The following FSTL4 variants were observed in gnomAD, a reference collection of about 807,000 sequenced individuals.
FSTL4 encodes follistatin-related protein 4.
In FSTL4, 28 loss-of-function variants were observed where a neutral mutation model predicts 78.2. That is an observed-to-expected ratio of 0.36 (90% CI 0.27 to 0.49). The LOEUF (loss-of-function observed/expected upper bound fraction) is 0.49, where lower values mean the gene tolerates loss of function less well. Among genes scored for constraint, FSTL4 ranks in the 20% least tolerant of loss-of-function variants. FSTL4 has a pLI of 0.98. For synonymous variants in FSTL4, 422 were observed against 440.5 expected (o/e 0.96, Z 0.53); for missense variants, 922 against 1,084.9 (o/e 0.85, Z 2.11).
intron 3 of FSTL4, among the ~76,000 whole-genome samples, chr5:133,479,222 TGC>T (rs1244628020): frequency 6.6e-6 from 1 of 152,194 alleles, no homozygotes; most frequent in Non-Finnish European, 1.5e-5. Flanking sequence ...GGGGACCATG[TGC>T]GTCTTACTTG....
the FSTL4 span, among the ~76,000 whole-genome samples, chr5:133,670,463 C>T: frequency 2.0e-5 from 3 of 152,362 alleles, no homozygotes; most frequent in African/African-American, 7.2e-5. Context: ...ACACACTGGA[C>T]TGGGGCATCA....
intron 1 of FSTL4, among the ~76,000 whole-genome samples, chr5:133,608,056 C>T (rs1273632585): frequency 6.6e-6 from 1 of 152,194 alleles, no homozygotes; most frequent in Non-Finnish European, 1.5e-5. Flanking sequence ...TCCTCAAATT[C>T]AAATAGTCCT....
At chr5:133,482,003 T>C (rs541184111) in intron 3 of FSTL4, among the ~76,000 whole-genome samples, 1 of 152,080 alleles carries the variant, frequency 6.6e-6, no homozygotes, top group Non-Finnish European at 1.5e-5. Context: ...GCCACCAACA[T>C]GGAAAAGGAA....
chr5:133,358,818 TCAAA>T (rs1477528454), intron 4 of FSTL4, among the ~76,000 whole-genome samples: 3 of 152,082 alleles, frequency 2.0e-5, no homozygotes, highest in Admixed American at 6.5e-5. Context: ...CAGGCTGGTC[TCAAA>T]CAAGTGAATC....
At chr5:133,517,589 T>C (rs1047203807) in intron 3 of FSTL4, among the ~76,000 whole-genome samples, 1 of 131,922 alleles carries the variant, frequency 7.6e-6, no homozygotes, top group Non-Finnish European at 1.6e-5. Flanking sequence ...ATTAGAGTTC[T>C]ATAGAGAAAT....
In FSTL4 at chr5:133,235,486, G is replaced by A. The variant is rs572100979; in HGVS notation, c.895-1949C>T. 4.6e-4 allele frequency among the ~76,000 whole-genome samples: 61 copies of A among 133,794 alleles called. 1 individual carries two copies. The highest frequency in any genetic ancestry group is 8.1e-4 in the Non-Finnish European group (53 of 65,388). The allele number at this position is 133,794 out of a possible 152,430, so 87.8% of individuals were successfully genotyped here. On this transcript the variant is annotated intron_variant, in intron 7 of 15. Transcript: ENST00000265342. The stretch of plus-strand genomic sequence containing the variant: ...TGCACTCCAGCCTGGGTGACAGAGC[G>A]AGACCCCACCTCCAAAAAAAAAAAA...
chr5:133,495,163 G>A (rs1195318338), intron 3 of FSTL4, among the ~76,000 whole-genome samples: 1 of 152,220 alleles, frequency 6.6e-6, no homozygotes, highest in East Asian at 1.9e-4. Context: ...GGTTGGGAAT[G>A]AGGGATTGTA....
chr5:133,762,030 CTG>C, the FSTL4 span, among the ~76,000 whole-genome samples: 3 of 152,180 alleles, frequency 2.0e-5, no homozygotes, highest in South Asian at 4.1e-4. Context: ...GGCTAAGAAA[CTG>C]TGCAATTTTA....
chr5:133,675,130 C>T, the FSTL4 span, among the ~76,000 whole-genome samples: 3 of 152,028 alleles, frequency 2.0e-5, no homozygotes, highest in African/African-American at 2.4e-5. Flanking sequence ...ATGAAGGCCT[C>T]TCCGAGAAAA....
intron 4 of FSTL4, among the ~76,000 whole-genome samples, chr5:133,397,458 C>T (rs768123448): frequency 1.3e-5 from 2 of 152,198 alleles, no homozygotes; most frequent in Non-Finnish European, 2.9e-5. Context: ...GGTTGATTTC[C>T]CGTACATGCT....
chr5:133,594,296 T>C (rs1760696948), intron 2 of FSTL4, among the ~76,000 whole-genome samples: 1 of 152,198 alleles, frequency 6.6e-6, no homozygotes, highest in African/African-American at 2.4e-5. Context: ...GTTTAAGCGA[T>C]TCTCCTGCCT....
At chr5:133,325,942 A>G (rs1166716917) in intron 4 of FSTL4, among the ~76,000 whole-genome samples, 1 of 152,162 alleles carries the variant, frequency 6.6e-6, no homozygotes, top group Non-Finnish European at 1.5e-5. Context: ...TTCGATCTTC[A>G]CCACCAAAGC....
At chr5:133,248,228 C>G (rs1752103763) in intron 7 of FSTL4, 1 of 152,356 alleles carries the variant, frequency 6.6e-6, no homozygotes, top group African/African-American at 2.4e-5. Context: ...TAGTCCAACT[C>G]AGGGGGTCAC....
At chr5:133,755,425 TC>T in the FSTL4 span, among the ~76,000 whole-genome samples, 1 of 152,070 alleles carries the variant, frequency 6.6e-6, no homozygotes, top group South Asian at 2.1e-4. Context: ...CCATTATCCT[TC>T]CTCCACCAGC....
At chr5:133,635,621 G>T in the FSTL4 span, among the ~76,000 whole-genome samples, 1 of 152,122 alleles carries the variant, frequency 6.6e-6, no homozygotes. Context: ...AAATTAGCTG[G>T]GCGTGGTGGC....
chr5:133,210,381 C>T (rs990802921), intron 13 of FSTL4, 83 bp from the exon 14 acceptor site: 64 of 770,406 alleles, frequency 8.3e-5, no homozygotes, highest in Admixed American at 1.6e-4. Context: ...CACTCCTGGG[C>T]GAGGGGAAAG....
rs556280404 is a variant in FSTL4 at position 133,402,976 on chromosome 5, G to A, written c.161-1990C>T. 7.2e-5 allele frequency among the ~76,000 whole-genome samples: 11 copies of A among 152,368 alleles called. No homozygotes were observed. In the East Asian group the frequency reaches 1.9e-3, roughly 27 times the overall value. ...AGGCAGGCAGGCGCCTGGCAGGGAG[G>A]CTCTGGGCTGGAGGCCCCCCACTCA... On this transcript the variant is annotated intron_variant, in intron 3 of 15. Coordinates refer to ENST00000265342, the MANE Select transcript of FSTL4 (RefSeq NM_015082.2).
chr5:133,803,929 GGA>G, the FSTL4 span, among the ~76,000 whole-genome samples: 2 of 152,156 alleles, frequency 1.3e-5, no homozygotes, highest in Non-Finnish European at 2.9e-5. Context: ...ATTTTCAGGT[GGA>G]AGCTATGAGC....
the FSTL4 span, among the ~76,000 whole-genome samples, chr5:133,745,422 A>G: frequency 6.6e-6 from 1 of 152,292 alleles, no homozygotes; most frequent in Non-Finnish European, 1.5e-5. Flanking sequence ...AGTCAGCCAC[A>G]GAAGCTGCTG....
Sources: gnomAD v4.1 joint callset for allele counts (sites outside exome capture counted in the v4.1 genomes callset) on GRCh38, gnomAD v4.1.1 for gene constraint, MANE v1.5 for transcripts, NCBI Gene and HGNC (gene_info 2026-07-23, HGNC 2026-07-21) for gene names.